The following ERBB4 variants were observed in gnomAD, a reference collection of about 807,000 sequenced individuals.
ERBB4 encodes receptor tyrosine-protein kinase erbB-4.
In ERBB4, 42 loss-of-function variants were observed where a neutral mutation model predicts 158.0. That is an observed-to-expected ratio of 0.27 (90% confidence interval 0.21 to 0.34). The LOEUF is 0.34. ERBB4 is among the 10% of genes least tolerant of loss of function. The probability of loss-of-function intolerance (pLI) is 1.00; values close to 1 mark genes in which losing one functional copy is unlikely to be tolerated. For synonymous variants in ERBB4, 583 were observed against 558.7 expected, an observed-to-expected ratio of 1.04 and a Z score of -0.61; for missense variants, 1,333 against 1,624.1, an observed-to-expected ratio of 0.82 and a Z score of 3.08.
intron 19 of ERBB4, among the ~76,000 whole-genome samples, chr2:211,593,824 AT>A (rs1419558937): frequency 6.6e-6 from 1 of 152,098 alleles, no homozygotes; most frequent in African/African-American, 2.4e-5. Context: ...CCCTACAGAG[AT>A]TTCTTCAGCT....
chr2:212,529,668 A>G (rs2106338402), intron 1 of ERBB4, among the ~76,000 whole-genome samples: 1 of 152,320 alleles, frequency 6.6e-6, no homozygotes, highest in Admixed American at 6.5e-5. Flanking sequence ...GCTTATATGT[A>G]TGTGGCACCA....
At chr2:212,015,657 C>T (rs2076512004) in intron 2 of ERBB4, among the ~76,000 whole-genome samples, 1 of 152,156 alleles carries the variant, frequency 6.6e-6, no homozygotes, top group South Asian at 2.1e-4. Context: ...CCCCACCTCC[C>T]AAGTAATTTG....
intron 7 of ERBB4, among the ~76,000 whole-genome samples, chr2:211,716,272 G>C (rs2073895718): frequency 6.9e-6 from 1 of 145,360 alleles, no homozygotes; most frequent in African/African-American, 2.6e-5. Context: ...TGAGGCAGGA[G>C]AATTGCTTGA....
chr2:211,440,804 G>C (rs1031621398), intron 20 of ERBB4, among the ~76,000 whole-genome samples: 1 of 152,106 alleles, frequency 6.6e-6, no homozygotes, highest in Admixed American at 6.6e-5. Flanking sequence ...AAGTGTCTTT[G>C]CATTAAAAAT....
In ERBB4 at chr2:211,383,861, C is replaced by T. The variant is rs2125310479; in HGVS notation, c.3681G>A (p.Leu1227=). Residue 1227 remains leucine, a synonymous_variant, in exon 28 of 28, where the codon CTG becomes CTA. Transcript: ENST00000342788. ...GKAEYLKNNI[L]SMPEKAKKAF... is the part of the protein sequence containing the mutation. ...CTTTCTTGGCCTTCTCTGGCATTGA[C>T]AGTATGTTGTTCTTCAGGTACTCAG... 6.2e-7 allele frequency: 1 copy of T among 1,614,148 alleles called. No homozygotes were observed. Among genetic ancestry groups the T allele is most frequent in the East Asian group, 2.2e-5 (1 of 44,876 alleles).
At chr2:211,834,444 T>C (rs1468902700) in intron 3 of ERBB4, among the ~76,000 whole-genome samples, 2 of 151,752 alleles carry the variant, frequency 1.3e-5, no homozygotes, top group Non-Finnish European at 2.9e-5. Context: ...CTGTAAGATC[T>C]TTCGTGTAAA....
intron 25 of ERBB4, among the ~76,000 whole-genome samples, chr2:211,413,309 A>AC (rs2063305291): frequency 2.1e-5 from 2 of 94,576 alleles, no homozygotes; most frequent in South Asian, 5.8e-4. Flanking sequence ...CTGTCTTAAA[A>AC]ACACACACAC....
chr2:212,479,278 C>G (rs1455508438), intron 1 of ERBB4, among the ~76,000 whole-genome samples: 1 of 152,038 alleles, frequency 6.6e-6, no homozygotes, highest in Non-Finnish European at 1.5e-5. Context: ...CCCCCAATTC[C>G]TTATAGATCT....
At chr2:211,772,238 G>T (rs1002448656) in intron 4 of ERBB4, among the ~76,000 whole-genome samples, 3 of 152,016 alleles carry the variant, frequency 2.0e-5, no homozygotes, top group Non-Finnish European at 4.4e-5. Flanking sequence ...ACAAATTGGG[G>T]CTTTTTTCCC....
At chr2:211,981,385 C>T (rs910938245) in intron 2 of ERBB4, among the ~76,000 whole-genome samples, 7 of 152,192 alleles carry the variant, frequency 4.6e-5, no homozygotes, top group African/African-American at 1.4e-4. Context: ...TTGGGAACTG[C>T]TGTGTTACAT....
chr2:211,942,133 G>T (rs534684505), intron 3 of ERBB4, among the ~76,000 whole-genome samples: 9 of 151,974 alleles, frequency 5.9e-5, no homozygotes, highest in Non-Finnish European at 1.3e-4. Flanking sequence ...TCGATATTAG[G>T]TTATTTATTT....
rs373306524 is a variant in ERBB4 at position 211,665,414 on chromosome 2, G to A, written c.1780C>T (p.Pro594Ser). The change falls in exon 15 of 28, where the codon CCA becomes TCA. Residue 594 changes from proline (P) to serine (S), a missense_variant. Coordinates refer to ENST00000342788, the MANE Select transcript of ERBB4 (RefSeq NM_005235.3). The part of the protein sequence containing the change: ...KDGPNCVEKC[P>S]DGLQGANSFI... Reference sequence around the variant, plus strand: ...CTGTTTGCCCCCTGTAAGCCATCTGGACATTTTTCCACACAGTTTGGGCCA... The same window carrying A: ...CTGTTTGCCCCCTGTAAGCCATCTGAACATTTTTCCACACAGTTTGGGCCA... 1 of 1,613,956 alleles carries A rather than the reference G, an allele frequency of 6.2e-7. No homozygotes were observed.
At chr2:211,761,965 A>G (rs938098003) in intron 4 of ERBB4, among the ~76,000 whole-genome samples, 2 of 152,220 alleles carry the variant, frequency 1.3e-5, no homozygotes, top group South Asian at 2.1e-4. Context: ...TTTACCTAAG[A>G]GTTGACTTTC....
chr2:211,570,118 T>A (rs2067670550), intron 19 of ERBB4, among the ~76,000 whole-genome samples: 1 of 152,094 alleles, frequency 6.6e-6, no homozygotes, highest in Admixed American at 6.6e-5. Flanking sequence ...CTCTTTTAGT[T>A]GTTTAAAATT....
intron 20 of ERBB4, among the ~76,000 whole-genome samples, chr2:211,550,522 T>G (rs993656025): frequency 6.7e-6 from 1 of 149,370 alleles, no homozygotes; most frequent in Non-Finnish European, 1.5e-5. Flanking sequence ...GCTTGCCAGT[T>G]GCTTATTTTG....
chr2:212,161,805 G>T (rs1002847823), intron 1 of ERBB4, among the ~76,000 whole-genome samples: 1 of 151,732 alleles, frequency 6.6e-6, no homozygotes, highest in Non-Finnish European at 1.5e-5. Context: ...TTAACATTTG[G>T]TAAGAAGTGT....
intron 1 of ERBB4, among the ~76,000 whole-genome samples, chr2:212,518,838 A>G (rs955084095): frequency 2.0e-5 from 3 of 152,018 alleles, no homozygotes; most frequent in Non-Finnish European, 2.9e-5. Context: ...CAGTGATTCC[A>G]GGGAGAAAGT....
At chr2:212,002,067 A>T (rs1445673025) in intron 2 of ERBB4, among the ~76,000 whole-genome samples, 1 of 152,218 alleles carries the variant, frequency 6.6e-6, no homozygotes, top group Non-Finnish European at 1.5e-5. Context: ...AATGAAACTT[A>T]CATGACCAAG....
chr2:211,579,163 T>C lies in ERBB4; in HGVS notation c.2302-17075A>G, dbSNP rs146172540. Among the ~76,000 whole-genome samples, 809 of 152,178 alleles carry C rather than the reference T, an allele frequency of 5.3e-3. 7 individuals are homozygous for C. The highest frequency in any genetic ancestry group is 0.018 in the African/African-American group (742 of 41,516). ...AAGGACATGAACAGACACTTCTCAA[T>C]ATAAGACATTCATGTGGCCAACAAA... On this transcript the variant is annotated intron_variant, in intron 19 of 27. Coordinates refer to ENST00000342788, the MANE Select transcript of ERBB4 (RefSeq NM_005235.3).
Sources: gnomAD v4.1 joint callset for allele counts (sites outside exome capture counted in the v4.1 genomes callset) on GRCh38, gnomAD v4.1.1 for gene constraint, MANE v1.5 for transcripts, NCBI Gene and HGNC (gene_info 2026-07-23, HGNC 2026-07-21) for gene names.